The following STBD1 variants were observed in gnomAD, a reference collection of about 807,000 sequenced individuals.
STBD1 encodes the protein starch-binding domain-containing protein 1.
STBD1 carries 13 observed loss-of-function variants against 10.5 expected under a neutral mutation model. The observed-to-expected ratio is 1.24, with a 90% CI of 0.81 to 1.97. STBD1 has a LOEUF of 1.97. Among genes scored for constraint, STBD1 ranks in the 30% most tolerant of loss-of-function variants. The probability of loss-of-function intolerance (pLI) is 0.00; values close to 1 mark genes in which losing one functional copy is unlikely to be tolerated. For synonymous variants in STBD1, 146 were observed against 160.2 expected, an observed-to-expected ratio of 0.91 and a Z score of 0.67; for missense variants, 427 against 435.6, an observed-to-expected ratio of 0.98 and a Z score of 0.17.
chr4:76,307,816 G>A (rs1050926382), intron 1 of STBD1, among the ~76,000 whole-genome samples: 1 of 152,190 alleles, frequency 6.6e-6, no homozygotes, highest in African/African-American at 2.4e-5. Flanking sequence ...CTGGACAGAA[G>A]CCTAATGGTG....
chr4:76,310,333 C>T lies in STBD1; in HGVS notation c.*333C>T. Reference sequence around the variant, plus strand: ...CTTGGGGAGTGACTTGGCTAAGCTTCAGGTGTAAACTGTGGTCACGGAGCA... The same window carrying T: ...CTTGGGGAGTGACTTGGCTAAGCTTTAGGTGTAAACTGTGGTCACGGAGCA... On this transcript the variant is annotated 3_prime_UTR_variant, in exon 2 of 2. Transcript: ENST00000237642. 1 of 239,100 alleles carries T rather than the reference C, an allele frequency of 4.2e-6. No individual in the cohort carries two copies. Among genetic ancestry groups the T allele is most frequent in the South Asian group, 8.0e-5 (1 of 12,452 alleles). 14.8% of individuals were successfully genotyped at this position (239,100 alleles called of 1,614,324 possible). A position where few individuals can be genotyped will look rare whatever the true frequency, so the allele number is the denominator to read the frequency against.
intron 1 of STBD1, among the ~76,000 whole-genome samples, chr4:76,308,170 A>G (rs906319120): frequency 7.2e-5 from 11 of 151,856 alleles, no homozygotes; most frequent in Non-Finnish European, 1.2e-4. Flanking sequence ...TTGGGAGGCT[A>G]AAGCAGGAGA....
rs1718777335 is a variant in STBD1 at position 76,306,764 on chromosome 4, T to C, written c.-6T>C. The stretch of plus-strand genomic sequence containing the variant: ...TGTAGTCTCCTGCGGCCGCGGCCTC[T>C]CAGCCATGGGCGCCGTCTGGTCCGC... On this transcript the variant is annotated 5_prime_UTR_variant, in exon 1 of 2. Transcript: ENST00000237642. The C allele has an allele frequency of 6.2e-7, 1 of 1,609,752 alleles. No individual in the cohort carries two copies. Among genetic ancestry groups the C allele is most frequent in the Non-Finnish European group, 8.5e-7 (1 of 1,179,660 alleles).
In STBD1 at chr4:76,309,755, G is replaced by A; in HGVS notation, c.832G>A (p.Val278Met). 1 of 1,614,256 alleles carries A rather than the reference G, an allele frequency of 6.2e-7. No homozygotes were observed. The highest frequency in any genetic ancestry group is 8.5e-7 in the Non-Finnish European group (1 of 1,180,044). Residue 278 changes from valine to methionine, a missense_variant, in exon 2 of 2, where the codon GTG becomes ATG. Transcript: ENST00000237642. ...GGTCCATTATGTCACAAGCACTGAT[G>A]TGCAATTCATTGCAGTAACTGGAGA... is the stretch of plus-strand genomic sequence containing the variant. ...FQVHYVTSTD[V>M]QFIAVTGDHE...
Position 76,306,737 on chromosome 4 carries a change from C to T in STBD1, c.-33C>T. 1 of 1,593,366 alleles carries T rather than the reference C, an allele frequency of 6.3e-7. No homozygotes were observed. Among genetic ancestry groups the T allele is most frequent in the Non-Finnish European group, 8.5e-7 (1 of 1,171,884 alleles). ...CGTGACCTGAGCCCCGGTCCCAGTC[C>T]CTGTAGTCTCCTGCGGCCGCGGCCT... On this transcript the variant is annotated 5_prime_UTR_variant, in exon 1 of 2. Coordinates refer to ENST00000237642, the MANE Select transcript of STBD1 (RefSeq NM_003943.5).
intron 1 of STBD1, among the ~76,000 whole-genome samples, chr4:76,307,800 C>G (rs1390616032): frequency 1.3e-5 from 2 of 152,158 alleles, no homozygotes; most frequent in East Asian, 3.8e-4. Context: ...GGCAAGCTGC[C>G]CATGCCTGGA....
Position 76,307,000 on chromosome 4 carries a change from C to A in STBD1, c.220+11C>A. ...TGGTCACCAAACCAGGTATTCTTCCCCCCGTGACTCCAGGGCACATCTGCC... is the reference window on the plus strand; with the variant it reads ...TGGTCACCAAACCAGGTATTCTTCCACCCGTGACTCCAGGGCACATCTGCC... On this transcript the variant is annotated intron_variant, in intron 1 of 1. Transcript: ENST00000237642. 6.4e-7 allele frequency: 1 copy of A among 1,569,486 alleles called. No individual in the cohort carries two copies. Among genetic ancestry groups the A allele is most frequent in the East Asian group, 2.3e-5 (1 of 43,236 alleles).
At position 76,309,946 on chromosome 4, in the gene STBD1, C is replaced by G. The variant is rs767452821; in HGVS notation, c.1023C>G (p.Phe341Leu). Residue 341 changes from phenylalanine (F) to leucine (L), a missense_variant, in exon 2 of 2, where the codon TTC becomes TTG. Transcript: ENST00000237642. ...VTRWEECSNR[F>L]LETGHEDKVV... ...GCTGGGAAGAATGCAGCAATAGATT[C>G]CTAGAAACTGGCCATGAGGATAAAG... The G allele has an allele frequency of 4.2e-5, 68 of 1,613,740 alleles. No individual in the cohort carries two copies. Among genetic ancestry groups the G allele is most frequent in the Non-Finnish European group, 5.3e-5 (63 of 1,180,012 alleles).
rs1578830129 is a variant in STBD1, at chr4:76,310,942, G to A, written c.*942G>A. ...CTCCCCCACCGCATCTGGCCAGATGGACTGTCCTACAGCAATCGTTTCCAT... is the reference window on the plus strand; with the variant it reads ...CTCCCCCACCGCATCTGGCCAGATGAACTGTCCTACAGCAATCGTTTCCAT... On this transcript the variant is annotated 3_prime_UTR_variant, in exon 2 of 2. Transcript: ENST00000237642. 1 of 152,214 alleles carries A rather than the reference G, an allele frequency of 6.6e-6. No individual in the cohort carries two copies. Among genetic ancestry groups the A allele is most frequent in the African/African-American group, 2.4e-5 (1 of 41,414 alleles). 9.4% of individuals were successfully genotyped at this position (152,214 alleles called of 1,614,324 possible).
chr4:76,310,106 C>T lies in STBD1; in HGVS notation c.*106C>T. On this transcript the variant is annotated 3_prime_UTR_variant, in exon 2 of 2. Transcript: ENST00000237642. ...GCAGTGTGACTCCAAATTCAGCCAT[C>T]TGAATTGTTTAAATTTGCTAGTGGA... 1 of 1,449,960 alleles carries T rather than the reference C, an allele frequency of 6.9e-7. No homozygotes were observed. The highest frequency in any genetic ancestry group is 9.2e-7 in the Non-Finnish European group (1 of 1,086,470). 89.8% of individuals were successfully genotyped at this position (1,449,960 alleles called of 1,614,324 possible). A position where few individuals can be genotyped will look rare whatever the true frequency, so the allele number is the denominator to read the frequency against.
rs779552705 is a variant in STBD1, at chr4:76,306,842, G to T, written c.73G>T (p.Gly25Cys). 3 of 1,611,348 alleles carry T rather than the reference G, an allele frequency of 1.9e-6. No individual in the cohort carries two copies. The highest frequency in any genetic ancestry group is 1.7e-6 in the Non-Finnish European group (2 of 1,179,020). ...AGCACTTTTCGTTTGGCTGCTGCGG[G>T]GCGGCCCTGGCGACACCGGGAAGGA... Reference protein sequence around the residue: ...AGALFVWLLRGGPGDTGKDGD... With the variant: ...AGALFVWLLRCGPGDTGKDGD... The change falls in exon 1 of 2, where the codon GGC becomes TGC. Residue 25 changes from glycine (G) to cysteine (C), a missense_variant. Transcript: ENST00000237642.
At chr4:76,308,345 A>G (rs955343003) in intron 1 of STBD1, among the ~76,000 whole-genome samples, 17 of 151,894 alleles carry the variant, frequency 1.1e-4, no homozygotes, top group African/African-American at 4.1e-4. Flanking sequence ...CCCACACCAC[A>G]TAAAACCACA....
At position 76,310,557 on chromosome 4, in the gene STBD1, GT is replaced by G. The variant is rs1471626318; in HGVS notation, c.*558del. 6.4e-6 allele frequency: 1 copy of G among 155,222 alleles called. No homozygotes were observed. The highest frequency in any genetic ancestry group is 2.4e-5 in the African/African-American group (1 of 41,464). The allele number at this position is 155,222 out of a possible 1,614,324, so 9.6% of individuals were successfully genotyped here. ...TGATTAGAAAATATCTGGTCTGGATGTGATTAGTAAGGATACAAGATAATGT... is the reference window on the plus strand; with the variant it reads ...TGATTAGAAAATATCTGGTCTGGATGGATTAGTAAGGATACAAGATAATGT... On this transcript the variant is annotated 3_prime_UTR_variant, in exon 2 of 2. Transcript: ENST00000237642.
chr4:76,309,536 A>C lies in STBD1; in HGVS notation c.613A>C (p.Met205Leu). ...QDRVDHEEWE[M>L]VPRHSSWGDV... Reference sequence around the variant, plus strand: ...CCGGGTTGACCACGAGGAGTGGGAAATGGTGCCTAGGCACTCATCTTGGGG... The same window carrying C: ...CCGGGTTGACCACGAGGAGTGGGAACTGGTGCCTAGGCACTCATCTTGGGG... The change falls in exon 2 of 2, where the codon ATG becomes CTG. Residue 205 changes from methionine to leucine, a missense_variant. Physicochemically the swap from Met to Leu is conservative, Grantham distance 15. Coordinates refer to ENST00000237642, the MANE Select transcript of STBD1 (RefSeq NM_003943.5). 1 of 1,614,244 alleles carries C rather than the reference A, an allele frequency of 6.2e-7. No individual in the cohort carries two copies. The highest frequency in any genetic ancestry group is 1.6e-4 in the Middle Eastern group (1 of 6,062).
At chr4:76,308,037 G>A (rs972696406) in intron 1 of STBD1, among the ~76,000 whole-genome samples, 4 of 152,042 alleles carry the variant, frequency 2.6e-5, no homozygotes, top group East Asian at 1.9e-4. Context: ...CACCATCACC[G>A]AGGCGGGCAA....
Position 76,309,754 on chromosome 4 carries a change from T to A in STBD1, c.831T>A (p.Asp277Glu), listed in dbSNP as rs767556576. 2 of 1,614,126 alleles carry A rather than the reference T, an allele frequency of 1.2e-6. No individual in the cohort carries two copies. Among genetic ancestry groups the A allele is most frequent in the Non-Finnish European group, 8.5e-7 (1 of 1,180,056 alleles). Residue 277 changes from aspartate (D) to glutamate (E), a missense_variant, in exon 2 of 2, where the codon GAT becomes GAA. Physicochemically the swap from Asp to Glu is conservative, Grantham distance 45. Transcript: ENST00000237642. ...AGGTCCATTATGTCACAAGCACTGATGTGCAATTCATTGCAGTAACTGGAG... is the reference window on the plus strand; with the variant it reads ...AGGTCCATTATGTCACAAGCACTGAAGTGCAATTCATTGCAGTAACTGGAG... Reference protein sequence around the residue: ...RFQVHYVTSTDVQFIAVTGDH... With the variant: ...RFQVHYVTSTEVQFIAVTGDH...
rs868789034 is a variant in STBD1 at position 76,309,466 on chromosome 4, C to CAG, written c.546_547dup (p.Ala183GlufsTer6). The stretch of plus-strand genomic sequence containing the variant: ...TGCCTTCTAGCAACCTGCTCAAGAA[C>CAG]AGAGCTAAAGAAGAAATGAGCCTCT... On this transcript the variant is annotated frameshift_variant, in exon 2 of 2. Transcript: ENST00000237642. LOFTEE classifies it low-confidence loss of function (END_TRUNC). The CAG allele has an allele frequency of 1.2e-6, 2 of 1,614,246 alleles. No homozygotes were observed. Among genetic ancestry groups the CAG allele is most frequent in the Non-Finnish European group, 1.7e-6 (2 of 1,180,044 alleles).
chr4:76,307,135 A>G lies in STBD1; in HGVS notation c.220+146A>G, dbSNP rs6845366. 9.2e-3 allele frequency: 7,935 copies of G among 864,430 alleles called. 421 individuals are homozygous for G. The African/African-American group carries it at 0.12, about 13-fold the overall frequency. The allele number at this position is 864,430 out of a possible 1,614,324, so 53.5% of individuals were successfully genotyped here. A position where few individuals can be genotyped will look rare whatever the true frequency, so the allele number is the denominator to read the frequency against. ...CTCCTAAGGGGACTGGGCCATCCCC[A>G]CGCCCCTCGGTTTCCCAGGCTGGTT... is the stretch of plus-strand genomic sequence containing the variant. On this transcript the variant is annotated intron_variant, in intron 1 of 1. Transcript: ENST00000237642.
Position 76,310,180 on chromosome 4 carries a change from A to G in STBD1, c.*180A>G, listed in dbSNP as rs1718904341. 3 of 663,460 alleles carry G rather than the reference A, an allele frequency of 4.5e-6. No homozygotes were observed. The highest frequency in any genetic ancestry group is 3.0e-5 in the Admixed American group (1 of 33,894). The allele number at this position is 663,460 out of a possible 1,614,324, so 41.1% of individuals were successfully genotyped here. On this transcript the variant is annotated 3_prime_UTR_variant, in exon 2 of 2. Coordinates refer to ENST00000237642, the MANE Select transcript of STBD1 (RefSeq NM_003943.5). ...ATATGTCTAATGTGCAGAAATATAT[A>G]TGTGTGTATGTGTGTATATATATGC...
Sources: gnomAD v4.1 joint callset for allele counts (sites outside exome capture counted in the v4.1 genomes callset) on GRCh38, gnomAD v4.1.1 for gene constraint, MANE v1.5 for transcripts, NCBI Gene and HGNC (gene_info 2026-07-23, HGNC 2026-07-21) for gene names.